LMX1A: variants seen among roughly 807,000 people sequenced by gnomAD.
LMX1A encodes LIM homeobox transcription factor 1 alpha, also known as LIM homeobox transcription factor 1-alpha.
In LMX1A, 15 loss-of-function variants were observed where a neutral mutation model predicts 49.1. The ratio of observed to expected loss-of-function variants is 0.31; its 90% CI spans 0.20 to 0.47. The LOEUF (loss-of-function observed/expected upper bound fraction) is 0.47, where lower values mean the gene tolerates loss of function less well. LMX1A is among the 20% of genes least tolerant of loss of function. The pLI, the probability that LMX1A is intolerant of heterozygous loss-of-function variation, is 1.00. For missense variants in LMX1A, 372 were observed against 475.8 expected (o/e 0.78, Z 2.03); for synonymous variants, 167 against 185.7 (o/e 0.90, Z 0.82).
intron 4 of LMX1A, among the ~76,000 whole-genome samples, chr1:165,233,939 C>G (rs987707046): frequency 6.6e-6 from 1 of 152,176 alleles, no homozygotes; most frequent in Non-Finnish European, 1.5e-5. Context: ...TCATCTCTCA[C>G]TTGGAACACT....
intron 3 of LMX1A, among the ~76,000 whole-genome samples, chr1:165,328,957 AAG>A (rs1343358473): frequency 1.3e-5 from 2 of 152,186 alleles, no homozygotes; most frequent in African/African-American, 2.4e-5. Context: ...CCCATGGCAA[AAG>A]AGAGCCCTGA....
chr1:165,298,333 A>C, intron 3 of LMX1A, among the ~76,000 whole-genome samples: 1 of 152,354 alleles, frequency 6.6e-6, no homozygotes, highest in East Asian at 1.9e-4. Context: ...TTCAGCTGAA[A>C]GGCTTGCAGG....
intron 3 of LMX1A, among the ~76,000 whole-genome samples, chr1:165,311,708 A>C (rs1412705570): frequency 6.6e-6 from 1 of 152,200 alleles, no homozygotes; most frequent in Non-Finnish European, 1.5e-5. Context: ...GAGAAAGAGA[A>C]GGGTTTGTTT....
intron 3 of LMX1A, among the ~76,000 whole-genome samples, chr1:165,268,983 A>G (rs985647850): frequency 6.6e-6 from 1 of 152,220 alleles, no homozygotes; most frequent in Admixed American, 6.5e-5. Context: ...AATCTCCAAT[A>G]GTATGTGGCC....
At chr1:165,260,190 C>T (rs2102647281) in intron 3 of LMX1A, among the ~76,000 whole-genome samples, 1 of 152,278 alleles carries the variant, frequency 6.6e-6, no homozygotes, top group Middle Eastern at 3.4e-3. Context: ...CTTAAACATA[C>T]CCAGAAAACA....
intron 4 of LMX1A, among the ~76,000 whole-genome samples, chr1:165,229,165 T>C (rs1652153866): frequency 6.6e-6 from 1 of 151,538 alleles, no homozygotes; most frequent in African/African-American, 2.4e-5. Context: ...ATACAATGCC[T>C]TCCCACCACA....
intron 3 of LMX1A, among the ~76,000 whole-genome samples, chr1:165,324,061 T>C (rs1353564606): frequency 6.6e-6 from 1 of 152,226 alleles, no homozygotes; most frequent in Non-Finnish European, 1.5e-5. Flanking sequence ...CTAATACAGA[T>C]ACCAATCCAT....
At chr1:165,234,220 C>A (rs956191894) in intron 4 of LMX1A, among the ~76,000 whole-genome samples, 2 of 152,196 alleles carry the variant, frequency 1.3e-5, no homozygotes, top group African/African-American at 4.8e-5. Flanking sequence ...CTGGATACAA[C>A]CCTACCCTGC....
At chr1:165,215,525 C>T (rs1361382008) in intron 4 of LMX1A, among the ~76,000 whole-genome samples, 1 of 152,180 alleles carries the variant, frequency 6.6e-6, no homozygotes, top group Admixed American at 6.5e-5. Context: ...GTGTGAGCTA[C>T]ACATCCTTTT....
intron 3 of LMX1A, among the ~76,000 whole-genome samples, chr1:165,250,793 G>A (rs1475917224): frequency 6.6e-6 from 1 of 152,184 alleles, no homozygotes; most frequent in Non-Finnish European, 1.5e-5. Flanking sequence ...CAGGGAGTGA[G>A]CAGGGGGTGC....
intron 4 of LMX1A, among the ~76,000 whole-genome samples, chr1:165,240,763 G>C (rs921080454): frequency 1.3e-5 from 2 of 152,132 alleles, no homozygotes; most frequent in Non-Finnish European, 2.9e-5. Flanking sequence ...AAAGACTCCA[G>C]TTGCAAGAGA....
At chr1:165,274,753 A>T (rs1653911593) in intron 3 of LMX1A, among the ~76,000 whole-genome samples, 1 of 152,178 alleles carries the variant, frequency 6.6e-6, no homozygotes, top group Non-Finnish European at 1.5e-5. Flanking sequence ...ACGTGCCATG[A>T]AGGTAAAACG....
At chr1:165,279,263 T>C (rs1654068288) in intron 3 of LMX1A, among the ~76,000 whole-genome samples, 1 of 152,174 alleles carries the variant, frequency 6.6e-6, no homozygotes, top group Admixed American at 6.5e-5. Flanking sequence ...CTTCATCCAG[T>C]GGGAAGAGGC....
rs182923795 is a variant in LMX1A at position 165,250,063 on chromosome 1, T to C, written c.264-423A>G. Among the ~76,000 whole-genome samples, 1,157 of 150,478 alleles carry C rather than the reference T, an allele frequency of 7.7e-3. 11 individuals carry two copies. Among genetic ancestry groups the C allele is most frequent in the Non-Finnish European group, 0.012 (830 of 67,670 alleles). ...GGACACAGGGAGGGGAACAACACAC[T>C]CTGGGGCCTGTCAGGGGGTGGGGTG... On this transcript the variant is annotated intron_variant, in intron 3 of 8. Transcript: ENST00000342310.
intron 3 of LMX1A, among the ~76,000 whole-genome samples, chr1:165,313,576 C>T (rs1655137404): frequency 7.2e-6 from 1 of 139,188 alleles, no homozygotes. Flanking sequence ...AGGAAAGCAA[C>T]AAAAAATGGT....
At chr1:165,344,747 C>G (rs143670164) in intron 3 of LMX1A, among the ~76,000 whole-genome samples, 2,965 of 152,322 alleles carry the variant, frequency 0.019, 56 homozygotes, top group Admixed American at 0.034. Context: ...GAGCACTTGC[C>G]CATTCCTGAT....
At chr1:165,232,618 GA>G (rs1329486545) in intron 4 of LMX1A, among the ~76,000 whole-genome samples, 2 of 152,146 alleles carry the variant, frequency 1.3e-5, no homozygotes, top group African/African-American at 4.8e-5. Flanking sequence ...GGTCATATAA[GA>G]AGAAAATAAA....
chr1:165,319,876 A>C (rs939428015), intron 3 of LMX1A, among the ~76,000 whole-genome samples: 7 of 152,152 alleles, frequency 4.6e-5, no homozygotes, highest in African/African-American at 1.7e-4. Context: ...ATTCTCTACT[A>C]AGCATTTACT....
At position 165,213,736 on chromosome 1, in the gene LMX1A, G is replaced by A; in HGVS notation, c.574C>T (p.His192Tyr). ...GTTCTCGGACGTTTGGGGCGCTTAT[G>A]GTCCTTGCCTTCCTCAGCAGTTCCT... is the stretch of plus-strand genomic sequence containing the variant. ...GKGTAEEGKD[H>Y]KRPKRPRTIL... Residue 192 changes from histidine (H) to tyrosine (Y), a missense_variant, in exon 5 of 9, where the codon CAT (histidine) becomes TAT (tyrosine). Coordinates refer to ENST00000342310, the MANE Select transcript of LMX1A (RefSeq NM_177398.4). 6.2e-7 allele frequency: 1 copy of A among 1,614,182 alleles called. No homozygotes were observed. Among genetic ancestry groups the A allele is most frequent in the African/African-American group, 1.3e-5 (1 of 75,058 alleles).
Sources: gnomAD v4.1 joint callset for allele counts (sites outside exome capture counted in the v4.1 genomes callset) on GRCh38, gnomAD v4.1.1 for gene constraint, MANE v1.5 for transcripts, NCBI Gene and HGNC (gene_info 2026-07-23, HGNC 2026-07-21) for gene names.